The following PPTC7 variants were observed in gnomAD, a reference collection of about 807,000 sequenced individuals.
PPTC7 encodes protein phosphatase targeting COQ7, also known as protein phosphatase PTC7 homolog.
In PPTC7, 6 loss-of-function variants were observed where a neutral mutation model predicts 30.8. The ratio of observed to expected loss-of-function variants is 0.19; its 90% confidence interval spans 0.11 to 0.38. The LOEUF (loss-of-function observed/expected upper bound fraction) is 0.38. Ranked by LOEUF, PPTC7 falls within the 10% of genes least tolerant of loss-of-function variation. PPTC7 has a pLI of 1.00. For synonymous variants in PPTC7, 163 were observed against 168.1 expected (o/e 0.97, Z 0.23); for missense variants, 218 against 404.8 (o/e 0.54, Z 3.96).
chr12:110,540,310 T>TCCCCC (rs1235977655), intron 3 of PPTC7, among the ~76,000 whole-genome samples: 10 of 104,388 alleles, frequency 9.6e-5, no homozygotes, highest in African/African-American at 3.0e-4. Context: ...CCGAATTCCA[T>TCCCCC]CCCCCCCCGC....
At chr12:110,553,277 G>A (rs2064362703) in intron 1 of PPTC7, among the ~76,000 whole-genome samples, 1 of 151,612 alleles carries the variant, frequency 6.6e-6, no homozygotes, top group African/African-American at 2.4e-5. Flanking sequence ...AGCCTCCCGA[G>A]TAGCTGAGAC....
intron 1 of PPTC7, among the ~76,000 whole-genome samples, chr12:110,561,923 C>T (rs2064440835): frequency 6.6e-6 from 1 of 151,980 alleles, no homozygotes; most frequent in South Asian, 2.1e-4. Context: ...GCCTGGGTGA[C>T]ACAGCAAGAC....
chr12:110,555,569 C>T (rs745783994), intron 1 of PPTC7, among the ~76,000 whole-genome samples: 7 of 152,062 alleles, frequency 4.6e-5, no homozygotes, highest in South Asian at 2.1e-4. Flanking sequence ...AGAGCAAGAG[C>T]GGAAGGAGTT....
At chr12:110,540,480 C>T (rs1325154396) in intron 3 of PPTC7, among the ~76,000 whole-genome samples, 2 of 151,946 alleles carry the variant, frequency 1.3e-5, no homozygotes, top group Non-Finnish European at 2.9e-5. Context: ...TAAAATAGTG[C>T]CTGTAGGACC....
intron 1 of PPTC7, among the ~76,000 whole-genome samples, chr12:110,572,126 C>G (rs1055113823): frequency 6.6e-6 from 1 of 152,136 alleles, no homozygotes; most frequent in Non-Finnish European, 1.5e-5. Context: ...AAAAAACTTG[C>G]TAGATAACAG....
chr12:110,563,339 G>T (rs911356729), intron 1 of PPTC7, among the ~76,000 whole-genome samples: 35 of 151,818 alleles, frequency 2.3e-4, no homozygotes, highest in Middle Eastern at 3.4e-3. Context: ...GAAAATGGCC[G>T]CATGAGGTGG....
rs1240809052 is a variant in PPTC7, at chr12:110,545,406, T to C, written c.602+474A>G. On this transcript the variant is annotated intron_variant, in intron 3 of 5. Coordinates refer to ENST00000354300, the MANE Select transcript of PPTC7 (RefSeq NM_139283.2). ...CCGTGCCCAGTCACTTAAGACCATT[T>C]TGACTCCATTTCCTGCAAGTTCTAT... 2.6e-5 allele frequency among the ~76,000 whole-genome samples: 4 copies of C among 152,358 alleles called. 1 individual carries two copies. The South Asian group carries it at 6.2e-4, about 24-fold the overall frequency.
chr12:110,571,587 T>C (rs1033450819), intron 1 of PPTC7, among the ~76,000 whole-genome samples: 6 of 152,236 alleles, frequency 3.9e-5, no homozygotes, highest in African/African-American at 1.2e-4. Context: ...TAAATACTCA[T>C]GTATAGAATT....
chr12:110,564,879 GTT>G (rs540611635), intron 1 of PPTC7, among the ~76,000 whole-genome samples: 2 of 123,066 alleles, frequency 1.6e-5, no homozygotes, highest in East Asian at 4.7e-4. Flanking sequence ...TATATACATT[GTT>G]TTTTTTTTTT....
chr12:110,569,776 C>T (rs1279985755), intron 1 of PPTC7, among the ~76,000 whole-genome samples: 1 of 152,216 alleles, frequency 6.6e-6, no homozygotes, highest in Non-Finnish European at 1.5e-5. Context: ...CCCAATTTAT[C>T]TCTTGTCCTT....
intron 2 of PPTC7, among the ~76,000 whole-genome samples, chr12:110,551,131 G>C (rs2064347096): frequency 6.6e-6 from 1 of 152,088 alleles, no homozygotes; most frequent in Non-Finnish European, 1.5e-5. Flanking sequence ...GTTGTCCCCA[G>C]TTCTCTGCTA....
intron 1 of PPTC7, among the ~76,000 whole-genome samples, chr12:110,559,747 A>G (rs1036621765): frequency 6.0e-5 from 9 of 150,884 alleles, no homozygotes; most frequent in South Asian, 4.2e-4. Context: ...AAAAAAAAAA[A>G]AAAGAAATGG....
chr12:110,576,288 T>C (rs1326232488), intron 1 of PPTC7, among the ~76,000 whole-genome samples: 2 of 151,762 alleles, frequency 1.3e-5, no homozygotes, highest in African/African-American at 4.8e-5. Flanking sequence ...TATATGTATA[T>C]TAATATTATA....
chr12:110,580,550 G>C (rs1379656458), intron 1 of PPTC7, among the ~76,000 whole-genome samples: 1 of 151,988 alleles, frequency 6.6e-6, no homozygotes, highest in African/African-American at 2.4e-5. Flanking sequence ...ATGTTGGCCA[G>C]GCTGGTCTCG....
In PPTC7 at chr12:110,559,197, T is replaced by A. The variant is rs538092203; in HGVS notation, c.224-7229A>T. Among the ~76,000 whole-genome samples the A allele has an allele frequency of 1.7e-3, 256 of 152,004 alleles. 1 individual carries two copies. The highest frequency in any genetic ancestry group is 5.2e-3 in the African/African-American group (217 of 41,448). On this transcript the variant is annotated intron_variant, in intron 1 of 5. Coordinates refer to ENST00000354300, the MANE Select transcript of PPTC7 (RefSeq NM_139283.2). ...CACCAACACACACAACTCATTTTTT[T>A]AAAAATTTTTTTTGTAGAGATGCGG...
chr12:110,546,233 A>C, intron 2 of PPTC7, 155 bp from the exon 3 acceptor site: 1 of 626,120 alleles, frequency 1.6e-6, no homozygotes, highest in South Asian at 1.9e-5. Flanking sequence ...CTCTACGAAT[A>C]TCAATAAAAT....
At chr12:110,580,961 A>G (rs950780995) in intron 1 of PPTC7, among the ~76,000 whole-genome samples, 1 of 151,824 alleles carries the variant, frequency 6.6e-6, no homozygotes, top group East Asian at 2.0e-4. Flanking sequence ...CATATTGGTC[A>G]GTCTGGTCTT....
intron 1 of PPTC7, among the ~76,000 whole-genome samples, chr12:110,565,423 G>A (rs762444422): frequency 3.3e-5 from 5 of 149,988 alleles, no homozygotes; most frequent in South Asian, 2.1e-4. Flanking sequence ...GCTGGGATAA[G>A]TTTTGTATTT....
chr12:110,552,957 A>G (rs1233843409), intron 1 of PPTC7, among the ~76,000 whole-genome samples: 6 of 151,740 alleles, frequency 4.0e-5, no homozygotes, highest in Non-Finnish European at 8.8e-5. Context: ...TGAGGCAGGT[A>G]GATCACCTGA....
Sources: allele counts gnomAD v4.1 joint callset (sites outside exome capture counted in the v4.1 genomes callset), GRCh38; gene constraint gnomAD v4.1.1; transcripts MANE v1.5; gene names NCBI Gene and HGNC (gene_info 2026-07-23, HGNC 2026-07-21).